Variants in PDE1A observed in about 807,000 individuals in gnomAD.
The protein encoded by PDE1A is dual specificity calcium/calmodulin-dependent 3',5'-cyclic nucleotide phosphodiesterase 1A.
A neutral mutation model predicts 61.7 loss-of-function variants in PDE1A; 35 were observed. The ratio of observed to expected loss-of-function variants is 0.57; its 90% confidence interval spans 0.43 to 0.75. The LOEUF (loss-of-function observed/expected upper bound fraction) is 0.75. Ranked by LOEUF, PDE1A falls within the 30% of genes least tolerant of loss-of-function variation. The pLI is 0.00. For synonymous variants in PDE1A, 232 were observed against 213.2 expected (o/e 1.09, Z -0.77); for missense variants, 597 against 630.6 (o/e 0.95, Z 0.57).
At chr2:182,702,161 C>T in the PDE1A span, among the ~76,000 whole-genome samples, 3 of 152,138 alleles carry the variant, frequency 2.0e-5, no homozygotes, top group Non-Finnish European at 2.9e-5. Flanking sequence ...TGAAGTGCAG[C>T]GGCAGGCTCT....
chr2:182,614,670 G>C, the PDE1A span, among the ~76,000 whole-genome samples: 1 of 148,164 alleles, frequency 6.7e-6, no homozygotes, highest in African/African-American at 2.5e-5. Flanking sequence ...CAATTCTCCT[G>C]TCTCAGCCTC....
At chr2:182,461,194 T>C (rs910265065) in intron 2 of PDE1A, among the ~76,000 whole-genome samples, 8 of 152,142 alleles carry the variant, frequency 5.3e-5, no homozygotes, top group Admixed American at 6.6e-5. Context: ...CATAGAACTA[T>C]AGGAATCTGA....
chr2:182,171,533 C>T (rs549283443), intron 13 of PDE1A, among the ~76,000 whole-genome samples: 3 of 151,358 alleles, frequency 2.0e-5, no homozygotes, highest in Non-Finnish European at 2.9e-5. Context: ...GGAACGGAAG[C>T]CTATAGGTTT....
At chr2:182,576,576 A>T in the PDE1A span, among the ~76,000 whole-genome samples, 1 of 152,164 alleles carries the variant, frequency 6.6e-6, no homozygotes, top group Non-Finnish European at 1.5e-5. Context: ...TTTTGTGTAT[A>T]TAAACAGAAG....
chr2:182,231,252 C>T, intron 4 of PDE1A, 121 bp from the exon 5 acceptor site: 1 of 659,768 alleles, frequency 1.5e-6, no homozygotes, highest in Non-Finnish European at 2.7e-6. Context: ...TGTCAAACTA[C>T]ACTTTGACCA....
At chr2:182,572,782 T>C in the PDE1A span, among the ~76,000 whole-genome samples, 1 of 145,664 alleles carries the variant, frequency 6.9e-6, no homozygotes, top group African/African-American at 2.6e-5. Context: ...GGCAGGAGAA[T>C]GGTGTGAACC....
chr2:182,306,515 T>C (rs1241969038), intron 1 of PDE1A, among the ~76,000 whole-genome samples: 2 of 151,612 alleles, frequency 1.3e-5, no homozygotes, highest in Admixed American at 6.6e-5. Context: ...CAAGGCAATA[T>C]TGAGCAAAAA....
At chr2:182,686,018 C>A in the PDE1A span, among the ~76,000 whole-genome samples, 1 of 152,074 alleles carries the variant, frequency 6.6e-6, no homozygotes, top group African/African-American at 2.4e-5. Context: ...CCAAGTTGAA[C>A]AGGCTTAACA....
chr2:182,444,200 T>C (rs1370624022), intron 2 of PDE1A, among the ~76,000 whole-genome samples: 2 of 152,144 alleles, frequency 1.3e-5, no homozygotes, highest in African/African-American at 4.8e-5. Context: ...AAGTTTTAAG[T>C]TCCTTTGCCT....
At chr2:182,426,530 T>C (rs1354057008) in intron 1 of PDE1A, 48 bp downstream of exon 1, 3 of 1,265,066 alleles carry the variant, frequency 2.4e-6, no homozygotes, top group Non-Finnish European at 3.5e-6. Flanking sequence ...AGGGAGAAAC[T>C]ATTGTTCCTG....
intron 6 of PDE1A, 35 bp from the exon 7 acceptor site, chr2:182,223,999 G>GAAGT: frequency 7.2e-7 from 1 of 1,391,324 alleles, no homozygotes; most frequent in South Asian, 1.2e-5. Context: ...TTATATTCAA[G>GAAGT]AAGTAGATAA....
intron 1 of PDE1A, among the ~76,000 whole-genome samples, chr2:182,406,863 G>A (rs935314721): frequency 1.3e-5 from 2 of 151,882 alleles, no homozygotes; most frequent in Non-Finnish European, 2.9e-5. Flanking sequence ...TTATACAAAA[G>A]TGAAAAGGTA....
intron 1 of PDE1A, among the ~76,000 whole-genome samples, chr2:182,424,977 C>T (rs1034276856): frequency 7.2e-5 from 11 of 152,318 alleles, no homozygotes; most frequent in African/African-American, 2.6e-4. Flanking sequence ...AGAATCTCAG[C>T]TTCCACAAAG....
At chr2:182,215,142 G>C (rs1332173780) in intron 7 of PDE1A, among the ~76,000 whole-genome samples, 2 of 46,992 alleles carry the variant, frequency 4.3e-5, no homozygotes, top group Non-Finnish European at 8.4e-5. Flanking sequence ...CATGGAAACT[G>C]AACAACCTGC....
downstream of PDE1A, among the ~76,000 whole-genome samples, chr2:182,145,619 C>CT (rs1453191119): frequency 1.3e-5 from 2 of 152,056 alleles, no homozygotes; most frequent in Non-Finnish European, 1.5e-5. Context: ...GTCCCAGCTA[C>CT]TTGCGGGGCT....
intron 2 of PDE1A, among the ~76,000 whole-genome samples, chr2:182,256,955 T>A (rs1460157436): frequency 6.6e-6 from 1 of 152,234 alleles, no homozygotes; most frequent in Admixed American, 6.5e-5. Context: ...CCTCATAGTA[T>A]CATCTTCTGG....
intron 1 of PDE1A, among the ~76,000 whole-genome samples, chr2:182,381,287 T>G (rs541039275): frequency 3.3e-5 from 5 of 152,198 alleles, no homozygotes; most frequent in Non-Finnish European, 7.3e-5. Flanking sequence ...GGGAGCTTTC[T>G]ATCAGCTCCC....
chr2:182,473,844 A>C (rs1687189219), intron 2 of PDE1A, among the ~76,000 whole-genome samples: 1 of 151,988 alleles, frequency 6.6e-6, no homozygotes, highest in Non-Finnish European at 1.5e-5. Flanking sequence ...GGTGTATAAT[A>C]TTCCATGGTA....
At chr2:182,240,958 G>A (rs1395813456) in intron 2 of PDE1A, among the ~76,000 whole-genome samples, 4 of 152,124 alleles carry the variant, frequency 2.6e-5, no homozygotes, top group East Asian at 1.9e-4. Flanking sequence ...AGGTGACCAC[G>A]GGGTGGAGCT....
Sources: gnomAD v4.1 joint callset for allele counts (sites outside exome capture counted in the v4.1 genomes callset) on GRCh38, gnomAD v4.1.1 for gene constraint, MANE v1.5 for transcripts, NCBI Gene and HGNC (gene_info 2026-07-23, HGNC 2026-07-21) for gene names.